The following ADGRA1 variants were observed in gnomAD, a reference collection of about 807,000 sequenced individuals.
ADGRA1 encodes the protein adhesion G protein-coupled receptor A1, also known as G-protein coupled receptor 123.
Under a neutral mutation model 21.3 loss-of-function variants are expected in ADGRA1, and 12 were observed. The ratio of observed to expected loss-of-function variants is 0.56; its 90% CI spans 0.36 to 0.91. The LOEUF (loss-of-function observed/expected upper bound fraction) is 0.91. Ranked by LOEUF, ADGRA1 falls within the 40% of genes least tolerant of loss-of-function variation. ADGRA1 has a pLI of 0.01. For synonymous variants in ADGRA1, 385 were observed against 368.8 expected (o/e 1.04, Z -0.50); for missense variants, 790 against 805.6 (o/e 0.98, Z 0.23).
In ADGRA1 at chr10:133,127,398, A is replaced by G. The variant is rs1189698765; in HGVS notation, c.500+67A>G. On this transcript the variant is annotated intron_variant, in intron 6 of 6. Transcript: ENST00000392607. ...GTGGGCTCTGCCTGAGGTCCCTCCC[A>G]GGCACCTGTGGTGGGGAAGCCCAGG... 2.7e-5 allele frequency: 33 copies of G among 1,240,580 alleles called. No individual in the cohort carries two copies. The Middle Eastern group carries it at 5.7e-4, about 21-fold the overall frequency. 76.8% of individuals were successfully genotyped at this position (1,240,580 alleles called of 1,614,324 possible).
In ADGRA1 at chr10:133,131,024, CTCG is replaced by C. The variant is rs1250698048; in HGVS notation, c.*1517_*1519del. The C allele has an allele frequency of 6.6e-6, 1 of 152,272 alleles. No homozygotes were observed. The highest frequency in any genetic ancestry group is 1.5e-5 in the Non-Finnish European group (1 of 68,056). 9.4% of individuals were successfully genotyped at this position (152,272 alleles called of 1,614,324 possible). On this transcript the variant is annotated 3_prime_UTR_variant, in exon 7 of 7. Transcript: ENST00000392607. The stretch of plus-strand genomic sequence containing the variant: ...CCCTGCAAACGTCAACGTCAGCAGA[CTCG>C]TCGGTGCGCTGTGCTATCCGGTTGG...
chr10:133,123,374 C>T (rs929830984), intron 5 of ADGRA1, among the ~76,000 whole-genome samples: 7 of 152,228 alleles, frequency 4.6e-5, no homozygotes, highest in African/African-American at 1.7e-4. Flanking sequence ...CTTTCCCTTT[C>T]GCTGAGTCAG....
intron 5 of ADGRA1, among the ~76,000 whole-genome samples, chr10:133,119,183 C>T (rs977455826): frequency 7.9e-5 from 12 of 152,102 alleles, no homozygotes; most frequent in African/African-American, 1.7e-4. Context: ...AAGTGCAAAC[C>T]GAGACGGGCG....
intron 5 of ADGRA1, among the ~76,000 whole-genome samples, chr10:133,118,091 G>A (rs1230178736): frequency 6.6e-6 from 1 of 152,200 alleles, no homozygotes; most frequent in African/African-American, 2.4e-5. Context: ...TCCCCAATCA[G>A]CACTGGCACC....
rs1331794667 is a variant in ADGRA1, at chr10:133,129,572, G to A, written c.*61G>A. 1 of 1,418,542 alleles carries A rather than the reference G, an allele frequency of 7.0e-7. No individual in the cohort carries two copies. Among genetic ancestry groups the A allele is most frequent in the Non-Finnish European group, 9.5e-7 (1 of 1,058,156 alleles). The allele number at this position is 1,418,542 out of a possible 1,614,324, so 87.9% of individuals were successfully genotyped here. On this transcript the variant is annotated 3_prime_UTR_variant, in exon 7 of 7. Coordinates refer to ENST00000392607, the MANE Select transcript of ADGRA1 (RefSeq NM_001083909.3). ...TCAGAGCAGAGTGGGGGGCCCATCT[G>A]CCACATGAGGTCACTGGGGGTACCG...
intron 5 of ADGRA1, among the ~76,000 whole-genome samples, chr10:133,103,271 C>G (rs1020333042): frequency 2.0e-5 from 3 of 152,218 alleles, no homozygotes; most frequent in African/African-American, 7.2e-5. Flanking sequence ...GGCAGCCACA[C>G]TGGGGAAACG....
chr10:133,121,634 C>G (rs1363243405), intron 5 of ADGRA1, among the ~76,000 whole-genome samples: 5 of 103,872 alleles, frequency 4.8e-5, no homozygotes, highest in Non-Finnish European at 9.5e-5. Flanking sequence ...GTGATGTGTG[C>G]CAGTGTGCGT....
In ADGRA1 at chr10:133,088,675, C is replaced by T. The variant is rs988424307; in HGVS notation, c.-202-33C>T. On this transcript the variant is annotated intron_variant, in intron 1 of 6. Coordinates refer to ENST00000392607, the MANE Select transcript of ADGRA1 (RefSeq NM_001083909.3). ...CGAGCTGCCCTCCGCGGGGACCCTC[C>T]GCCCGCCCCGCTGACCGCCGCTGTC... 13 of 1,210,812 alleles carry T rather than the reference C, an allele frequency of 1.1e-5. No homozygotes were observed. In the East Asian group the frequency reaches 1.6e-4, roughly 15 times the overall value. The allele number at this position is 1,210,812 out of a possible 1,614,324, so 75.0% of individuals were successfully genotyped here.
intron 5 of ADGRA1, among the ~76,000 whole-genome samples, chr10:133,121,046 G>A (rs1457616691): frequency 2.0e-5 from 3 of 152,126 alleles, no homozygotes; most frequent in Non-Finnish European, 2.9e-5. Context: ...CCCGTGGAGC[G>A]ACCAGATCAC....
At chr10:133,121,436 C>A (rs1395689786) in intron 5 of ADGRA1, among the ~76,000 whole-genome samples, 1 of 144,634 alleles carries the variant, frequency 6.9e-6, no homozygotes, top group Non-Finnish European at 1.5e-5. Context: ...TGTCAGTGTG[C>A]GTGTGTGCGT....
chr10:133,124,218 C>T (rs1216880267), intron 5 of ADGRA1, among the ~76,000 whole-genome samples: 2 of 149,646 alleles, frequency 1.3e-5, no homozygotes, highest in Non-Finnish European at 3.0e-5. Context: ...GGCTCTGCAA[C>T]CTCCCCGGCC....
rs1851546815 is a variant in ADGRA1 at position 133,088,742 on chromosome 10, G to A, written c.-168G>A. The A allele has an allele frequency of 1.6e-6, 2 of 1,230,628 alleles. No individual in the cohort carries two copies. The highest frequency in any genetic ancestry group is 2.0e-6 in the Non-Finnish European group (2 of 987,536). The allele number at this position is 1,230,628 out of a possible 1,614,324, so 76.2% of individuals were successfully genotyped here. On this transcript the variant is annotated 5_prime_UTR_variant, in exon 2 of 7. Coordinates refer to ENST00000392607, the MANE Select transcript of ADGRA1 (RefSeq NM_001083909.3). ...GCTCCCGGACTGCGCCCGCCCCGCC[G>A]CGGTCACCCTGAGGCCAGGGGCCCG...
chr10:133,100,533 G>T (rs1161849903), intron 4 of ADGRA1, among the ~76,000 whole-genome samples: 2 of 152,256 alleles, frequency 1.3e-5, no homozygotes, highest in Non-Finnish European at 2.9e-5. Flanking sequence ...ACAGCTCGGG[G>T]CGGATGCTGG....
At chr10:133,126,441 T>C (rs1852375105) in intron 5 of ADGRA1, among the ~76,000 whole-genome samples, 1 of 151,992 alleles carries the variant, frequency 6.6e-6, no homozygotes, top group African/African-American at 2.4e-5. Flanking sequence ...CCAACCCAGG[T>C]GTTCGCAGGA....
At chr10:133,103,008 A>C (rs1297893623) in intron 5 of ADGRA1, among the ~76,000 whole-genome samples, 166 bp downstream of exon 5, 1 of 149,432 alleles carries the variant, frequency 6.7e-6, no homozygotes, top group Non-Finnish European at 1.5e-5. Context: ...CGGGCGACGG[A>C]TCTGAGGGTA....
intron 5 of ADGRA1, among the ~76,000 whole-genome samples, chr10:133,106,701 G>A (rs1197481708): frequency 6.6e-6 from 1 of 152,268 alleles, no homozygotes; most frequent in Admixed American, 6.5e-5. Flanking sequence ...CTGTCGAGGT[G>A]AGGCCTGGGC....
In ADGRA1 at chr10:133,103,237, C is replaced by T. The variant is rs116795791; in HGVS notation, c.401+395C>T. Among the ~76,000 whole-genome samples the T allele has an allele frequency of 4.3e-3, 652 of 152,280 alleles. 5 individuals are homozygous for T. The highest frequency in any genetic ancestry group is 0.014 in the African/African-American group (589 of 41,562). On this transcript the variant is annotated intron_variant, in intron 5 of 6. Coordinates refer to ENST00000392607, the MANE Select transcript of ADGRA1 (RefSeq NM_001083909.3). ...GCCTCCTGTGCTACCGAGTTGCTGGCGTGAGACCCTCTATGCCCCGCAGGG... is the reference window on the plus strand; with the variant it reads ...GCCTCCTGTGCTACCGAGTTGCTGGTGTGAGACCCTCTATGCCCCGCAGGG...
At position 133,131,329 on chromosome 10, in the gene ADGRA1, C is replaced by G. The variant is rs1461473226; in HGVS notation, c.*1818C>G. ...GCTCTGCCTCTGCCTCACCTTCTCA[C>G]CTGCTTCCATAGCTGATGTGAACCC... On this transcript the variant is annotated 3_prime_UTR_variant, in exon 7 of 7. Coordinates refer to ENST00000392607, the MANE Select transcript of ADGRA1 (RefSeq NM_001083909.3). The G allele has an allele frequency of 6.6e-6, 1 of 152,372 alleles. No individual in the cohort carries two copies. The highest frequency in any genetic ancestry group is 1.5e-5 in the Non-Finnish European group (1 of 68,126). 9.4% of individuals were successfully genotyped at this position (152,372 alleles called of 1,614,324 possible).
rs532838769 is a variant in ADGRA1 at position 133,112,749 on chromosome 10, C to T, written c.401+9907C>T. Reference sequence around the variant, plus strand: ...CGTCGGTTATTTGAGGTCTGCGGGCCGCGTCGGTTATTTGGGGTCTGTAAG... The same window carrying T: ...CGTCGGTTATTTGAGGTCTGCGGGCTGCGTCGGTTATTTGGGGTCTGTAAG... On this transcript the variant is annotated intron_variant, in intron 5 of 6. Coordinates refer to ENST00000392607, the MANE Select transcript of ADGRA1 (RefSeq NM_001083909.3). Among the ~76,000 whole-genome samples the T allele has an allele frequency of 3.5e-3, 505 of 143,292 alleles. 5 individuals carry two copies. The highest frequency in any genetic ancestry group is 0.012 in the African/African-American group (458 of 38,528). The allele number at this position is 143,292 out of a possible 152,430, so 94.0% of individuals were successfully genotyped here. A position where few individuals can be genotyped will look rare whatever the true frequency, so the allele number is the denominator to read the frequency against.
Sources: gnomAD v4.1 joint callset for allele counts (sites outside exome capture counted in the v4.1 genomes callset) on GRCh38, gnomAD v4.1.1 for gene constraint, MANE v1.5 for transcripts, NCBI Gene and HGNC (gene_info 2026-07-23, HGNC 2026-07-21) for gene names.